The following AVEN variants were observed in gnomAD, a reference collection of about 807,000 sequenced individuals.
The protein encoded by AVEN is cell death regulator Aven.
Under a neutral mutation model 38.1 loss-of-function variants are expected in AVEN, and 41 were observed. The ratio of observed to expected loss-of-function variants is 1.08; its 90% CI spans 0.84 to 1.40. The LOEUF (loss-of-function observed/expected upper bound fraction) is 1.40, where lower values mean the gene tolerates loss of function less well. AVEN is among the 40% of genes most tolerant of loss of function. The pLI is 0.00. For synonymous variants in AVEN, 206 were observed against 171.8 expected (o/e 1.20, Z -1.56); for missense variants, 605 against 438.8 (o/e 1.38, Z -3.38).
At chr15:33,956,915 T>A (rs1025004887) in intron 2 of AVEN, among the ~76,000 whole-genome samples, 11 of 152,238 alleles carry the variant, frequency 7.2e-5, no homozygotes, top group Non-Finnish European at 1.2e-4. Context: ...GACAAATCCA[T>A]CTTTTTCCCC....
chr15:34,034,953 C>G (rs1899048677), intron 1 of AVEN, among the ~76,000 whole-genome samples: 1 of 152,240 alleles, frequency 6.6e-6, no homozygotes, highest in African/African-American at 2.4e-5. Context: ...CTCTCAGTCT[C>G]TAGCTGGCTG....
intron 2 of AVEN, among the ~76,000 whole-genome samples, chr15:33,933,491 T>TCACACACACACACAGACACACA (rs1893926455): frequency 1.5e-5 from 1 of 68,270 alleles, no homozygotes; most frequent in African/African-American, 8.0e-5. Context: ...CCTCCAACAA[T>TCACACACACACACAGACACACA]CACACACACA....
intron 2 of AVEN, among the ~76,000 whole-genome samples, chr15:33,905,968 A>G (rs1173399910): frequency 6.6e-6 from 1 of 152,054 alleles, no homozygotes; most frequent in African/African-American, 2.4e-5. Flanking sequence ...TCTTTCTTCT[A>G]TTTCTAGATT....
At chr15:34,002,831 C>G (rs117459218) in intron 2 of AVEN, among the ~76,000 whole-genome samples, 1 of 152,172 alleles carries the variant, frequency 6.6e-6, no homozygotes, top group Non-Finnish European at 1.5e-5. Flanking sequence ...CATTCTACAT[C>G]GGTACATGGA....
Position 34,047,168 on chromosome 15 carries a change from CCCGGGTTCACGCCATTCT to C in AVEN, n.1637+15736_1637+15753del, listed in dbSNP as rs1899730386. On this transcript the variant is annotated intron_variant and non_coding_transcript_variant, in intron 5 of 11. Coordinates refer to the AVEN transcript ENST00000675287. ...TCTCGGCTCACTGCAAGCTCCGCCT[CCCGGGTTCACGCCATTCT>C]CCTGCCTCAGCCTCCCGAGTAGCTG... Among the ~76,000 whole-genome samples the C allele has an allele frequency of 2.0e-5, 3 of 151,830 alleles. No individual in the cohort carries two copies. In the South Asian group the frequency reaches 6.2e-4, roughly 32 times the overall value.
At chr15:33,918,310 C>T (rs935505219) in intron 2 of AVEN, among the ~76,000 whole-genome samples, 2 of 152,152 alleles carry the variant, frequency 1.3e-5, no homozygotes, top group African/African-American at 2.4e-5. Flanking sequence ...TTAGCTCCTA[C>T]TATGTACTTT....
chr15:34,054,525 A>G (rs868210867), intron 5 of AVEN, among the ~76,000 whole-genome samples: 1 of 152,314 alleles, frequency 6.6e-6, no homozygotes, highest in South Asian at 2.1e-4. Flanking sequence ...TGTCCTTTGC[A>G]GGGACATAGA....
intron 2 of AVEN, among the ~76,000 whole-genome samples, chr15:33,979,952 T>A (rs1256957991): frequency 6.6e-6 from 1 of 152,260 alleles, no homozygotes; most frequent in African/African-American, 2.4e-5. Flanking sequence ...GTTCTAGCTA[T>A]GAATTTGTTA....
At position 33,936,471 on chromosome 15, in the gene AVEN, T is replaced by C. The variant is rs139795978; in HGVS notation, c.446-60476A>G. On this transcript the variant is annotated intron_variant, in intron 2 of 5. Transcript: ENST00000306730. ...TCATGGAAACAATAACAACATATTA[T>C]TCTACAATATAAAAGAACAGAATAA... 4.5e-3 allele frequency among the ~76,000 whole-genome samples: 687 copies of C among 152,322 alleles called. 7 individuals are homozygous for C. The highest frequency in any genetic ancestry group is 0.016 in the African/African-American group (662 of 41,568).
intron 1 of AVEN, among the ~76,000 whole-genome samples, chr15:34,017,115 G>A (rs945731081): frequency 3.5e-5 from 5 of 143,620 alleles, no homozygotes; most frequent in African/African-American, 1.2e-4. Context: ...ATGACAGAAT[G>A]AGACTCTGTC....
chr15:33,983,578 G>C (rs1215325706), intron 2 of AVEN, among the ~76,000 whole-genome samples: 2 of 152,006 alleles, frequency 1.3e-5, no homozygotes, highest in Non-Finnish European at 2.9e-5. Context: ...AACTTTTAAG[G>C]AAAAACAGTA....
chr15:33,854,639 G>C (rs2079454921), downstream of AVEN: 11 of 1,279,206 alleles, frequency 8.6e-6, no homozygotes, highest in South Asian at 1.6e-4. Context: ...TCTTGGGCCA[G>C]CTCACAGCAC....
rs34818160 is a variant in AVEN at position 33,900,627 on chromosome 15, CA to C, written c.446-24633del. 4.7e-5 allele frequency among the ~76,000 whole-genome samples: 7 copies of C among 148,454 alleles called. No homozygotes were observed. The East Asian group carries it at 7.8e-4, about 17-fold the overall frequency. ...TAGCCAATTTAGTAATTTTTAAATACAAAAAAAAAACTGATCGCATAGCAAA... is the reference window on the plus strand; with the variant it reads ...TAGCCAATTTAGTAATTTTTAAATACAAAAAAAAACTGATCGCATAGCAAA... On this transcript the variant is annotated intron_variant, in intron 2 of 5. Coordinates refer to ENST00000306730, the MANE Select transcript of AVEN (RefSeq NM_020371.3).
At chr15:33,931,457 G>A (rs965519837) in intron 2 of AVEN, among the ~76,000 whole-genome samples, 3 of 139,674 alleles carry the variant, frequency 2.1e-5, no homozygotes, top group Non-Finnish European at 3.0e-5. Flanking sequence ...TGCAAGCTCC[G>A]CCTCCTGGGT....
At chr15:33,960,492 A>T (rs572199701) in intron 2 of AVEN, among the ~76,000 whole-genome samples, 31 of 152,278 alleles carry the variant, frequency 2.0e-4, no homozygotes, top group Middle Eastern at 3.4e-3. Flanking sequence ...GAAATATTTT[A>T]AAAATGTTTT....
At chr15:34,009,220 A>C (rs560091778) in intron 1 of AVEN, among the ~76,000 whole-genome samples, 1 of 152,348 alleles carries the variant, frequency 6.6e-6, no homozygotes, top group African/African-American at 2.4e-5. Flanking sequence ...AAAACGTAAG[A>C]AAATTTGCTC....
downstream of AVEN, among the ~76,000 whole-genome samples, chr15:33,861,480 CTT>C (rs34330524): frequency 6.8e-6 from 1 of 148,054 alleles, no homozygotes; most frequent in East Asian, 2.0e-4. Flanking sequence ...TATAAATATG[CTT>C]TTTTTTTTTT....
exon 1 of AVEN, among the ~76,000 whole-genome samples, chr15:34,075,028 G>A (rs1279584971): frequency 6.6e-6 from 1 of 151,654 alleles, no homozygotes; most frequent in Non-Finnish European, 1.5e-5. Context: ...AATACAAAAA[G>A]TAGCTGGGCG....
chr15:33,914,762 T>C (rs753381786), intron 2 of AVEN, among the ~76,000 whole-genome samples: 3 of 151,220 alleles, frequency 2.0e-5, no homozygotes, highest in African/African-American at 7.3e-5. Context: ...GAACTCATGA[T>C]TTTTTTTTAA....
Sources: allele counts gnomAD v4.1 joint callset (sites outside exome capture counted in the v4.1 genomes callset), GRCh38; gene constraint gnomAD v4.1.1; transcripts MANE v1.5; gene names NCBI Gene and HGNC (gene_info 2026-07-23, HGNC 2026-07-21).